FMN1: variants seen among roughly 807,000 people sequenced by gnomAD.
FMN1 encodes the protein formin-1.
Under a neutral mutation model 132.4 loss-of-function variants are expected in FMN1, and 110 were observed. The observed-to-expected ratio is 0.83, with a 90% CI of 0.71 to 0.97. FMN1 has a LOEUF of 0.97. FMN1 is among the 50% of genes least tolerant of loss of function. FMN1 has a pLI of 0.00. For synonymous variants in FMN1, 722 were observed against 651.7 expected (o/e 1.11, Z -1.64); for missense variants, 1,792 against 1,705.3 (o/e 1.05, Z -0.90).
rs1258593565 is a variant in FMN1 at position 33,067,229 on chromosome 15, G to A, written c.2044-2155C>T. Reference sequence around the variant, plus strand: ...CTCTGTCTGAAGACCACCGTTGCCAGCTTCCAGTTTGCTGCTCATCTCAGG... The same window carrying A: ...CTCTGTCTGAAGACCACCGTTGCCAACTTCCAGTTTGCTGCTCATCTCAGG... On this transcript the variant is annotated intron_variant, in intron 5 of 20. Transcript: ENST00000616417. 6 of 1,613,338 alleles carry A rather than the reference G, an allele frequency of 3.7e-6. No individual in the cohort carries two copies. The African/African-American group carries it at 4.0e-5, about 11-fold the overall frequency.
At chr15:33,084,893 G>A (rs981546535) in intron 5 of FMN1, among the ~76,000 whole-genome samples, 6 of 152,154 alleles carry the variant, frequency 3.9e-5, no homozygotes, top group Non-Finnish European at 8.8e-5. Context: ...CTTTCATCAC[G>A]TACTAATGAG....
intron 4 of FMN1, among the ~76,000 whole-genome samples, chr15:33,128,837 CG>C (rs1963397503): frequency 6.6e-6 from 1 of 152,210 alleles, no homozygotes; most frequent in Admixed American, 6.5e-5. Context: ...CTCCGCAATG[CG>C]GAAGACAACC....
intron 3 of FMN1, among the ~76,000 whole-genome samples, chr15:33,176,869 G>T (rs1965532993): frequency 6.6e-6 from 1 of 152,292 alleles, no homozygotes; most frequent in East Asian, 1.9e-4. Context: ...CTTCGCAGAT[G>T]GCAAAGTCCT....
chr15:32,984,436 C>T (rs759648844), intron 7 of FMN1, among the ~76,000 whole-genome samples: 4 of 152,230 alleles, frequency 2.6e-5, no homozygotes, highest in East Asian at 3.9e-4. Context: ...TAGTAAGCTG[C>T]AAATTCTCCC....
At chr15:32,825,040 A>G (rs929476215) in intron 17 of FMN1, among the ~76,000 whole-genome samples, 1 of 151,980 alleles carries the variant, frequency 6.6e-6, no homozygotes, top group Admixed American at 6.6e-5. Context: ...CTTTTGTACA[A>G]CTCCTACGTT....
At chr15:33,130,149 T>C (rs879272278) in intron 4 of FMN1, among the ~76,000 whole-genome samples, 3 of 152,206 alleles carry the variant, frequency 2.0e-5, no homozygotes, top group Non-Finnish European at 2.9e-5. Flanking sequence ...TCATTCTTGA[T>C]CCAAGTTCCT....
At chr15:33,036,340 A>G (rs57847363) in intron 6 of FMN1, among the ~76,000 whole-genome samples, 1 of 152,214 alleles carries the variant, frequency 6.6e-6, no homozygotes, top group Non-Finnish European at 1.5e-5. Flanking sequence ...ATGAGTGCCT[A>G]CTATATGACA....
chr15:32,772,927 C>G lies in FMN1; in HGVS notation c.*1383G>C, dbSNP rs2056298630. On this transcript the variant is annotated 3_prime_UTR_variant, in exon 21 of 21. Transcript: ENST00000616417. ...GGCAGGCCACATGTGGAGGCTGGAT[C>G]AGGAAGGAATTTAAGATTTCTGCTC... 1 of 152,416 alleles carries G rather than the reference C, an allele frequency of 6.6e-6. No individual in the cohort carries two copies. Among genetic ancestry groups the G allele is most frequent in the Non-Finnish European group, 1.5e-5 (1 of 68,250 alleles). The allele number at this position is 152,416 out of a possible 1,614,324, so 9.4% of individuals were successfully genotyped here. A position where few individuals can be genotyped will look rare whatever the true frequency, so the allele number is the denominator to read the frequency against.
chr15:33,129,709 C>A (rs1170791497), intron 4 of FMN1, among the ~76,000 whole-genome samples: 2 of 152,122 alleles, frequency 1.3e-5, no homozygotes, highest in African/African-American at 2.4e-5. Context: ...GGGCTTTACT[C>A]CAAGTCTGAG....
At chr15:33,124,167 C>T (rs1007353612) in intron 4 of FMN1, among the ~76,000 whole-genome samples, 8 of 152,210 alleles carry the variant, frequency 5.3e-5, no homozygotes, top group African/African-American at 1.9e-4. Flanking sequence ...TCATCCTAAC[C>T]ATGCAGAGTG....
intron 15 of FMN1, among the ~76,000 whole-genome samples, chr15:32,896,887 CTCTT>C (rs2060172439): frequency 6.6e-6 from 1 of 152,104 alleles, no homozygotes; most frequent in South Asian, 2.1e-4. Context: ...GGGAAAATGT[CTCTT>C]TGAGATCCTG....
At chr15:32,918,860 CGAGTGAAGGAAT>C (rs2060748656) in intron 10 of FMN1, among the ~76,000 whole-genome samples, 1 of 152,036 alleles carries the variant, frequency 6.6e-6, no homozygotes, top group African/African-American at 2.4e-5. Context: ...CTCAGCTCTG[CGAGTGAAGGAAT>C]GCAGAATGGT....
At position 32,964,016 on chromosome 15, in the gene FMN1, T is replaced by TATATACACAC. The variant is rs1555505892; in HGVS notation, c.3138+90_3138+91insGTGTGTATAT. The TATATACACAC allele has an allele frequency of 9.6e-3, 4,894 of 507,980 alleles. 55 individuals are homozygous for TATATACACAC. The highest frequency in any genetic ancestry group is 0.048 in the African/African-American group (2,301 of 48,186). 31.5% of individuals were successfully genotyped at this position (507,980 alleles called of 1,614,324 possible). ...GGTATGTGTGTGTGTGTATATACGA[T>TATATACACAC]ACACACACACACACACACACACACA... On this transcript the variant is annotated intron_variant, in intron 9 of 20. Transcript: ENST00000616417.
chr15:32,928,051 C>T (rs1241141573), intron 9 of FMN1, among the ~76,000 whole-genome samples: 1 of 152,216 alleles, frequency 6.6e-6, no homozygotes, highest in East Asian at 1.9e-4. Context: ...AATTGTCTAA[C>T]TACCTGTTGA....
chr15:32,848,663 A>G (rs1310990679), intron 17 of FMN1, among the ~76,000 whole-genome samples: 4 of 152,216 alleles, frequency 2.6e-5, no homozygotes, highest in Admixed American at 1.3e-4. Context: ...GAAGCAATGA[A>G]TAGGAAGCAG....
At position 32,835,347 on chromosome 15, in the gene FMN1, C is replaced by T. The variant is rs547133207; in HGVS notation, c.3928+21668G>A. On this transcript the variant is annotated intron_variant, in intron 17 of 20. Transcript: ENST00000616417. ...AAAAAAATAAACTTAGAATTATTTT[C>T]CTCTTCCAAAGTGAAATATCTTTTT... 2.0e-5 allele frequency among the ~76,000 whole-genome samples: 3 copies of T among 152,272 alleles called. No individual in the cohort carries two copies. In the South Asian group the frequency reaches 6.2e-4, roughly 32 times the overall value.
rs191005495 is a variant in FMN1, at chr15:33,165,689, C to A, written c.-131-10644G>T. Among the ~76,000 whole-genome samples the A allele has an allele frequency of 2.6e-5, 4 of 152,290 alleles. No homozygotes were observed. In the East Asian group the frequency reaches 7.7e-4, roughly 29 times the overall value. On this transcript the variant is annotated intron_variant, in intron 3 of 20. Transcript: ENST00000616417. ...TACAGGTGTGAGCCACCGCACCTGG[C>A]CGGTTTTTCTTTTTAACAGGCAACT...
At chr15:32,935,471 C>T (rs988765672) in intron 9 of FMN1, among the ~76,000 whole-genome samples, 6 of 152,076 alleles carry the variant, frequency 3.9e-5, no homozygotes, top group African/African-American at 9.7e-5. Flanking sequence ...CGGGATCCAT[C>T]GGGATTCTTC....
chr15:33,186,530 AC>A (rs1242518749), intron 2 of FMN1, among the ~76,000 whole-genome samples: 1 of 152,238 alleles, frequency 6.6e-6, no homozygotes, highest in Non-Finnish European at 1.5e-5. Context: ...TGCCAGGATC[AC>A]AAATACAGTT....
Sources: gnomAD v4.1 joint callset for allele counts (sites outside exome capture counted in the v4.1 genomes callset) on GRCh38, gnomAD v4.1.1 for gene constraint, MANE v1.5 for transcripts, NCBI Gene and HGNC (gene_info 2026-07-23, HGNC 2026-07-21) for gene names.